The following ADGRL2 variants were observed in gnomAD, a reference collection of about 807,000 sequenced individuals.
ADGRL2 encodes the protein adhesion G protein-coupled receptor L2.
A neutral mutation model predicts 157.4 loss-of-function variants in ADGRL2; 44 were observed. The observed-to-expected ratio is 0.28, with a 90% CI of 0.22 to 0.36. The LOEUF is 0.36. Ranked by LOEUF, ADGRL2 falls within the 10% of genes least tolerant of loss-of-function variation. ADGRL2 has a pLI of 1.00. For missense variants in ADGRL2, 1,510 were observed against 1,768.9 expected (o/e 0.85, Z 2.63); for synonymous variants, 585 against 624.7 (o/e 0.94, Z 0.95).
At chr1:81,801,374 C>T (rs1354583964) in intron 1 of ADGRL2, among the ~76,000 whole-genome samples, 1 of 152,166 alleles carries the variant, frequency 6.6e-6, no homozygotes, top group Non-Finnish European at 1.5e-5. Flanking sequence ...CAGTTCAGAC[C>T]TCGCGGAGAG....
At chr1:81,480,516 A>G (rs754075207) in intron 2 of ADGRL2, among the ~76,000 whole-genome samples, 2 of 151,636 alleles carry the variant, frequency 1.3e-5, no homozygotes. Context: ...AACATATAGC[A>G]TAAGCCCACC....
chr1:81,380,230 G>A (rs1037962277), intron 1 of ADGRL2, among the ~76,000 whole-genome samples: 4 of 152,126 alleles, frequency 2.6e-5, no homozygotes, highest in African/African-American at 9.7e-5. Flanking sequence ...TTTACTAGTT[G>A]TATTTCCTCT....
chr1:81,892,378 A>T (rs1427056009), intron 2 of ADGRL2, among the ~76,000 whole-genome samples: 1 of 152,060 alleles, frequency 6.6e-6, no homozygotes, highest in Non-Finnish European at 1.5e-5. Flanking sequence ...AGGAGCATTT[A>T]AAAAATGTAG....
intron 12 of ADGRL2, 67 bp from the exon 13 acceptor site, chr1:81,966,336 CT>C: frequency 6.5e-7 from 1 of 1,533,214 alleles, no homozygotes; most frequent in Non-Finnish European, 9.0e-7. Context: ...TCATTTTATT[CT>C]TATTTTATCT....
intron 1 of ADGRL2, among the ~76,000 whole-genome samples, chr1:81,804,509 A>G (rs1214727054): frequency 6.6e-6 from 1 of 152,224 alleles, no homozygotes; most frequent in Non-Finnish European, 1.5e-5. Context: ...CCAAAGGGCA[A>G]TGAGAATTGT....
intron 1 of ADGRL2, among the ~76,000 whole-genome samples, chr1:81,378,775 T>C (rs1194761843): frequency 1.3e-5 from 2 of 152,158 alleles, no homozygotes; most frequent in Non-Finnish European, 2.9e-5. Context: ...CCATAGATAT[T>C]ATAACATTTT....
intron 2 of ADGRL2, among the ~76,000 whole-genome samples, chr1:81,547,275 T>A (rs779612470): frequency 1.3e-5 from 2 of 152,208 alleles, no homozygotes; most frequent in Non-Finnish European, 2.9e-5. Flanking sequence ...TAATTTTATG[T>A]AAAACCCCCA....
intron 2 of ADGRL2, among the ~76,000 whole-genome samples, chr1:81,884,135 G>A (rs1257924917): frequency 6.6e-6 from 1 of 151,890 alleles, no homozygotes; most frequent in East Asian, 1.9e-4. Context: ...TTAGGCATGT[G>A]CGACAACTCC....
chr1:81,377,371 A>G (rs1402720167), intron 1 of ADGRL2, among the ~76,000 whole-genome samples: 1 of 152,182 alleles, frequency 6.6e-6, no homozygotes, highest in Non-Finnish European at 1.5e-5. Flanking sequence ...TTCTCGGTAA[A>G]TGGTACTATC....
chr1:81,459,545 T>C (rs2077877707), intron 2 of ADGRL2, among the ~76,000 whole-genome samples: 1 of 152,210 alleles, frequency 6.6e-6, no homozygotes, highest in Admixed American at 6.5e-5. Context: ...TGTATGTGCA[T>C]ACCACATTTT....
chr1:81,593,472 G>A (rs1169658249), intron 3 of ADGRL2, among the ~76,000 whole-genome samples: 1 of 152,146 alleles, frequency 6.6e-6, no homozygotes, highest in Non-Finnish European at 1.5e-5. Flanking sequence ...ACTAATATGT[G>A]AAGTGTTTAC....
chr1:81,345,220 T>C (rs1662393420), intron 1 of ADGRL2, among the ~76,000 whole-genome samples: 1 of 152,128 alleles, frequency 6.6e-6, no homozygotes, highest in Non-Finnish European at 1.5e-5. Flanking sequence ...AACCCAAATA[T>C]AGGGCAGCTC....
chr1:81,752,302 A>G (rs181387963), intron 1 of ADGRL2, among the ~76,000 whole-genome samples: 1 of 152,330 alleles, frequency 6.6e-6, no homozygotes, highest in East Asian at 1.9e-4. Context: ...TTTGAAAAAT[A>G]CATTTCTCTT....
At chr1:81,565,158 G>C (rs1357589378) in intron 2 of ADGRL2, among the ~76,000 whole-genome samples, 1 of 152,170 alleles carries the variant, frequency 6.6e-6, no homozygotes, top group Non-Finnish European at 1.5e-5. Flanking sequence ...ACAGGCAACT[G>C]AGGCTCTTAA....
At chr1:81,576,232 A>T (rs187586891) in intron 2 of ADGRL2, among the ~76,000 whole-genome samples, 1 of 152,114 alleles carries the variant, frequency 6.6e-6, no homozygotes, top group Non-Finnish European at 1.5e-5. Context: ...GTTTTCTATC[A>T]GTTTTCTAGG....
intron 1 of ADGRL2, among the ~76,000 whole-genome samples, chr1:81,361,938 T>G (rs2075986852): frequency 7.1e-6 from 1 of 140,462 alleles, no homozygotes; most frequent in African/African-American, 2.6e-5. Context: ...TACACTATGG[T>G]TTTTTTTTAG....
Position 81,706,544 on chromosome 1 carries a change from C to T in ADGRL2, c.-143+6736C>T, listed in dbSNP as rs576252540. 2.0e-5 allele frequency among the ~76,000 whole-genome samples: 3 copies of T among 152,294 alleles called. No homozygotes were observed. The East Asian group carries it at 5.8e-4, about 29-fold the overall frequency. On this transcript the variant is annotated intron_variant, in intron 1 of 20. Transcript: ENST00000359929. Reference sequence around the variant, plus strand: ...TAGCACTGAGAAGACGCAGGGCTAACAGCAGAGCTGTGGGCATCCTCTGCA... The same window carrying T: ...TAGCACTGAGAAGACGCAGGGCTAATAGCAGAGCTGTGGGCATCCTCTGCA...
At chr1:81,535,419 ATG>A (rs1457281933) in intron 2 of ADGRL2, among the ~76,000 whole-genome samples, 1 of 151,786 alleles carries the variant, frequency 6.6e-6, no homozygotes, top group Admixed American at 6.6e-5. Flanking sequence ...GTGTGTGTGA[ATG>A]TGTGTGTAAG....
At chr1:81,860,527 C>A (rs2093355977) in intron 2 of ADGRL2, among the ~76,000 whole-genome samples, 1 of 152,010 alleles carries the variant, frequency 6.6e-6, no homozygotes, top group Non-Finnish European at 1.5e-5. Context: ...CTATCACTAG[C>A]AAATTTTATA....
Sources: gnomAD v4.1 joint callset for allele counts (sites outside exome capture counted in the v4.1 genomes callset) on GRCh38, gnomAD v4.1.1 for gene constraint, MANE v1.5 for transcripts, NCBI Gene and HGNC (gene_info 2026-07-23, HGNC 2026-07-21) for gene names.